The following FGF18 variants were observed in gnomAD, a reference collection of about 807,000 sequenced individuals.
The protein encoded by FGF18 is fibroblast growth factor 18.
Under a neutral mutation model 23.0 loss-of-function variants are expected in FGF18, and 5 were observed. The observed-to-expected ratio is 0.22, with a 90% confidence interval of 0.11 to 0.46. The LOEUF is 0.46. Among genes scored for constraint, FGF18 ranks in the 20% least tolerant of loss-of-function variants. The probability of loss-of-function intolerance (pLI) is 0.99; values close to 1 mark genes in which losing one functional copy is unlikely to be tolerated. For synonymous variants in FGF18, 117 were observed against 118.9 expected (o/e 0.98, Z 0.10); for missense variants, 180 against 291.6 (o/e 0.62, Z 2.79).
rs189209573 is a variant in FGF18 at position 171,436,038 on chromosome 5, A to T, written c.70-55A>T. ...TGTGGTGGACGTGGCTGGCTCCTGC[A>T]TGCAGTGGGCCTGGGACATCTGGGG... On this transcript the variant is annotated intron_variant, in intron 2 of 4. Coordinates refer to ENST00000274625, the MANE Select transcript of FGF18 (RefSeq NM_003862.3). This position sits in a 1 kb window ranked among gnomAD's most constrained non-coding sequence, Gnocchi z 4.4. 2 of 1,387,758 alleles carry T rather than the reference A, an allele frequency of 1.4e-6. No homozygotes were observed. The highest frequency in any genetic ancestry group is 3.0e-5 in the African/African-American group (2 of 67,470). The allele number at this position is 1,387,758 out of a possible 1,614,324, so 86.0% of individuals were successfully genotyped here.
intron 2 of FGF18, among the ~76,000 whole-genome samples, chr5:171,430,054 A>T (rs927255924): frequency 3.3e-5 from 5 of 152,238 alleles, no homozygotes; most frequent in Admixed American, 6.5e-5. Context: ...CCTCTCTGTA[A>T]AATGGGAATA....
rs1771978032 is a variant in FGF18 at position 171,420,084 on chromosome 5, G to A, written c.-116G>A. 54 of 833,600 alleles carry A rather than the reference G, an allele frequency of 6.5e-5. No homozygotes were observed. The highest frequency in any genetic ancestry group is 8.7e-5 in the Non-Finnish European group (54 of 620,064). 51.6% of individuals were successfully genotyped at this position (833,600 alleles called of 1,614,324 possible). On this transcript the variant is annotated 5_prime_UTR_variant, in exon 1 of 5. Transcript: ENST00000274625. ...TGCAGCAGCAGCAGCCGGCGAGGAG[G>A]GAGCAGCAGCAGCGGCGGCGGCGGC...
At chr5:171,439,538 A>C (rs1478419275) in intron 3 of FGF18, among the ~76,000 whole-genome samples, 1 of 152,246 alleles carries the variant, frequency 6.6e-6, no homozygotes, top group Non-Finnish European at 1.5e-5. Context: ...GCCATGTCAT[A>C]GAACAGCACT....
chr5:171,452,971 A>G (rs558066263), intron 4 of FGF18, among the ~76,000 whole-genome samples: 2 of 152,314 alleles, frequency 1.3e-5, no homozygotes, highest in East Asian at 3.9e-4. Flanking sequence ...TTCAGATCAA[A>G]TGGAAGGACT....
At chr5:171,438,734 C>T (rs1309602099) in intron 3 of FGF18, among the ~76,000 whole-genome samples, 6 of 152,030 alleles carry the variant, frequency 3.9e-5, no homozygotes, top group Non-Finnish European at 8.8e-5. Flanking sequence ...CAAGGGACCC[C>T]ATCTGTGAGC....
chr5:171,441,816 G>T (rs951634800), intron 3 of FGF18, among the ~76,000 whole-genome samples: 6 of 152,182 alleles, frequency 3.9e-5, no homozygotes, highest in Non-Finnish European at 7.4e-5. Flanking sequence ...TATGTGGCAG[G>T]TGTCCTTCCC....
At chr5:171,447,045 C>T (rs1581278345) in intron 3 of FGF18, among the ~76,000 whole-genome samples, 2 of 152,176 alleles carry the variant, frequency 1.3e-5, no homozygotes, top group African/African-American at 2.4e-5. Context: ...TTGTAGGAAA[C>T]TTAAACAACA....
chr5:171,438,898 G>C (rs982338774), intron 3 of FGF18, among the ~76,000 whole-genome samples: 3 of 152,092 alleles, frequency 2.0e-5, no homozygotes, highest in African/African-American at 7.2e-5. Context: ...CTTGTCTCAG[G>C]GGGAGGGGCT....
chr5:171,438,381 T>A (rs1014282506), intron 3 of FGF18, among the ~76,000 whole-genome samples: 6 of 151,898 alleles, frequency 4.0e-5, no homozygotes, highest in Non-Finnish European at 1.5e-5. Context: ...GGATTACAGG[T>A]GTGAGCATGG....
At chr5:171,445,837 C>T (rs1028495009) in intron 3 of FGF18, among the ~76,000 whole-genome samples, 26 of 152,062 alleles carry the variant, frequency 1.7e-4, no homozygotes, top group African/African-American at 1.2e-4. Flanking sequence ...TCAACTCCTC[C>T]GCCTGGCCTG....
chr5:171,444,017 C>G (rs1309987825), intron 3 of FGF18, among the ~76,000 whole-genome samples: 1 of 151,366 alleles, frequency 6.6e-6, no homozygotes, highest in African/African-American at 2.4e-5. Flanking sequence ...TTGCCTCTCT[C>G]TGGCTGTGGT....
chr5:171,455,098 G>C (rs1007721847), intron 4 of FGF18, among the ~76,000 whole-genome samples: 2 of 152,222 alleles, frequency 1.3e-5, no homozygotes, highest in Non-Finnish European at 2.9e-5. Context: ...AGGAATTTGA[G>C]GTTTACAGAG....
chr5:171,436,777 G>A lies in FGF18; in HGVS notation c.250+504G>A, dbSNP rs1355441150. ...CATTAACACCTTGGGCCATGGTCCT[G>A]TTGACCTGCCCTTGACCCTGGAACT... On this transcript the variant is annotated intron_variant, in intron 3 of 4. Transcript: ENST00000274625. This position sits in a 1 kb window ranked among gnomAD's most constrained non-coding sequence, Gnocchi z 4.4. 6.6e-6 allele frequency among the ~76,000 whole-genome samples: 1 copy of A among 152,220 alleles called. No individual in the cohort carries two copies. Among genetic ancestry groups the A allele is most frequent in the East Asian group, 1.9e-4 (1 of 5,188 alleles).
chr5:171,437,024 C>T (rs889332723), intron 3 of FGF18, among the ~76,000 whole-genome samples: 1 of 152,186 alleles, frequency 6.6e-6, no homozygotes, highest in Admixed American at 6.5e-5. Context: ...ATTGCCAGGC[C>T]GGAAAAGCGG....
In FGF18 at chr5:171,456,785, C is replaced by A. The variant is rs546008025; in HGVS notation, c.604C>A (p.Arg202=). The change falls in exon 5 of 5, where the codon CGG becomes AGG. Residue 202 remains arginine, a synonymous_variant. Coordinates refer to ENST00000274625, the MANE Select transcript of FGF18 (RefSeq NM_003862.3). This position sits in a 1 kb window ranked among gnomAD's most constrained non-coding sequence, Gnocchi z 6.1. ...GGTGACCAAGAGGTCCCGTCGGATCCGGCCCACACACCCTGCCTAGGCCAC... is the reference window on the plus strand; with the variant it reads ...GGTGACCAAGAGGTCCCGTCGGATCAGGCCCACACACCCTGCCTAGGCCAC... ...TTVTKRSRRI[R]PTHPA The A allele has an allele frequency of 6.2e-7, 1 of 1,613,576 alleles. No individual in the cohort carries two copies. Among genetic ancestry groups the A allele is most frequent in the Admixed American group, 1.7e-5 (1 of 59,974 alleles).
intron 3 of FGF18, 81 bp from the exon 4 acceptor site, chr5:171,449,066 G>A: frequency 9.6e-7 from 1 of 1,045,162 alleles, no homozygotes; most frequent in Non-Finnish European, 1.5e-6. Flanking sequence ...GATAGGACCA[G>A]GGACCATGTC....
intron 3 of FGF18, among the ~76,000 whole-genome samples, chr5:171,439,901 T>G (rs1416619084): frequency 6.6e-6 from 1 of 151,968 alleles, no homozygotes; most frequent in African/African-American, 2.4e-5. Flanking sequence ...GAAAAAAAAA[T>G]GATTAAAAAA....
intron 3 of FGF18, among the ~76,000 whole-genome samples, chr5:171,437,283 G>T (rs1038410104): frequency 6.6e-6 from 1 of 152,192 alleles, no homozygotes; most frequent in Non-Finnish European, 1.5e-5. Context: ...ATAATTTCTT[G>T]GACCTTTTAT....
chr5:171,420,523 C>T (rs1254695984), intron 2 of FGF18, 80 bp downstream of exon 2: 19 of 1,361,110 alleles, frequency 1.4e-5, no homozygotes, highest in Non-Finnish European at 1.9e-5. Flanking sequence ...GCCGCGCCCC[C>T]TCCCTGTGCC....
Sources: gnomAD v4.1 joint callset for allele counts (sites outside exome capture counted in the v4.1 genomes callset) on GRCh38, gnomAD v4.1.1 for gene constraint, Gnocchi (gnomAD v3.1) non-coding constraint, MANE v1.5 for transcripts, NCBI Gene and HGNC (gene_info 2026-07-23, HGNC 2026-07-21) for gene names.